The following ATP9A variants were observed in gnomAD, a reference collection of about 807,000 sequenced individuals.
ATP9A encodes probable phospholipid-transporting ATPase IIA.
Under a neutral mutation model 144.1 loss-of-function variants are expected in ATP9A, and 52 were observed. The ratio of observed to expected loss-of-function variants is 0.36; its 90% CI spans 0.29 to 0.45. The LOEUF is 0.45. ATP9A is among the 20% of genes least tolerant of loss of function. ATP9A has a pLI of 1.00. For missense variants in ATP9A, 947 were observed against 1,392.7 expected (o/e 0.68, Z 5.09); for synonymous variants, 582 against 557.4 (o/e 1.04, Z -0.62).
chr20:51,687,067 AGAG>A (rs2077526359), intron 9 of ATP9A, among the ~76,000 whole-genome samples: 1 of 152,170 alleles, frequency 6.6e-6, no homozygotes, highest in Admixed American at 6.5e-5. Flanking sequence ...AAGAATAAAA[AGAG>A]TAATTAATTA....
chr20:51,625,099 C>T, intron 18 of ATP9A, 93 bp downstream of exon 18: 1 of 1,305,932 alleles, frequency 7.7e-7, no homozygotes. Context: ...CTCTGCTGCT[C>T]CTCCCACCCT....
At chr20:51,735,995 C>A (rs942412663) in intron 1 of ATP9A, among the ~76,000 whole-genome samples, 1 of 152,170 alleles carries the variant, frequency 6.6e-6, no homozygotes, top group African/African-American at 2.4e-5. Flanking sequence ...GAAAATAAGG[C>A]CAGGGGCCAG....
At chr20:51,639,656 A>C (rs1403676285) in intron 14 of ATP9A, 152 bp from the exon 15 acceptor site, 2 of 776,182 alleles carry the variant, frequency 2.6e-6, no homozygotes, top group East Asian at 5.6e-5. Context: ...GTGCTGGCCC[A>C]TGACAGTGTC....
chr20:51,709,739 T>C (rs2426384), intron 4 of ATP9A, among the ~76,000 whole-genome samples: 97,830 of 151,994 alleles, frequency 0.64, 31,697 homozygotes, highest in Non-Finnish European at 0.68. Flanking sequence ...AATAAATAAA[T>C]AACTGTGGTG....
chr20:51,623,140 G>A (rs553794583), intron 18 of ATP9A, among the ~76,000 whole-genome samples: 3 of 152,296 alleles, frequency 2.0e-5, no homozygotes, highest in South Asian at 2.1e-4. Context: ...TGAGCCTCCC[G>A]GGCCCTCTCC....
intron 1 of ATP9A, among the ~76,000 whole-genome samples, chr20:51,744,977 A>T (rs976949368): frequency 6.6e-6 from 1 of 152,062 alleles, no homozygotes; most frequent in Non-Finnish European, 1.5e-5. Context: ...TAAAAATATA[A>T]AAATTAGCTG....
intron 14 of ATP9A, among the ~76,000 whole-genome samples, chr20:51,639,898 CAAT>C (rs2077311441): frequency 1.3e-5 from 2 of 152,036 alleles, no homozygotes; most frequent in Admixed American, 6.6e-5. Flanking sequence ...CCAGCCTGGC[CAAT>C]ATGGTGAAAC....
At chr20:51,709,312 C>G (rs2077627595) in intron 4 of ATP9A, among the ~76,000 whole-genome samples, 1 of 152,084 alleles carries the variant, frequency 6.6e-6, no homozygotes, top group African/African-American at 2.4e-5. Flanking sequence ...GTCAGGAGTT[C>G]AAGACCAGCC....
intron 19 of ATP9A, 103 bp from the exon 20 acceptor site, chr20:51,619,146 G>T: frequency 1.1e-6 from 1 of 950,786 alleles, no homozygotes; most frequent in Non-Finnish European, 1.6e-6. Flanking sequence ...GGCCACCCCA[G>T]CCAAGGGTCC....
Position 51,639,475 on chromosome 20 carries a change from C to T in ATP9A, c.1536G>A (p.Val512=), listed in dbSNP as rs1419460108. 3 of 1,612,788 alleles carry T rather than the reference C, an allele frequency of 1.9e-6. No individual in the cohort carries two copies. The highest frequency in any genetic ancestry group is 4.5e-5 in the East Asian group (2 of 44,834). The change falls in exon 15 of 28, where the codon GTG becomes GTA. Residue 512 remains valine, a synonymous_variant. Transcript: ENST00000338821. ...EVALVQWTES[V]GLTLVGRDQS... ...GGTCTCGGCCCACCAGGGTTAAGCC[C>T]ACACTTTCCGTCCACTGTACCAGGG... is the stretch of plus-strand genomic sequence containing the variant.
chr20:51,679,793 T>C (rs2077492407), intron 9 of ATP9A, among the ~76,000 whole-genome samples: 2 of 152,196 alleles, frequency 1.3e-5, no homozygotes, highest in South Asian at 2.1e-4. Flanking sequence ...GACCCCTTTG[T>C]TCCTCATCCA....
chr20:51,750,442 C>T (rs2077826460), intron 1 of ATP9A, among the ~76,000 whole-genome samples: 1 of 152,130 alleles, frequency 6.6e-6, no homozygotes, highest in Admixed American at 6.6e-5. Flanking sequence ...CAGACCTAGG[C>T]CACAGAGCCT....
At chr20:51,762,051 G>A (rs954924449) in intron 1 of ATP9A, among the ~76,000 whole-genome samples, 4 of 151,924 alleles carry the variant, frequency 2.6e-5, no homozygotes, top group Non-Finnish European at 5.9e-5. Flanking sequence ...CCTGTCTTTC[G>A]CTTTTAAGGA....
At chr20:51,727,067 G>A (rs1455850343) in intron 2 of ATP9A, among the ~76,000 whole-genome samples, 1 of 151,472 alleles carries the variant, frequency 6.6e-6, no homozygotes, top group Non-Finnish European at 1.5e-5. Context: ...GCTGAGGCAG[G>A]CGGATCACGA....
At chr20:51,691,632 C>T (rs2077548939) in intron 7 of ATP9A, among the ~76,000 whole-genome samples, 1 of 152,202 alleles carries the variant, frequency 6.6e-6, no homozygotes, top group Admixed American at 6.5e-5. Flanking sequence ...AATGTGGAGG[C>T]CCTGTGCACT....
At chr20:51,733,246 G>A (rs760929081) in intron 1 of ATP9A, among the ~76,000 whole-genome samples, 6 of 152,232 alleles carry the variant, frequency 3.9e-5, no homozygotes, top group Non-Finnish European at 5.9e-5. Flanking sequence ...GTCCCTTCCC[G>A]CTACTATAAC....
At chr20:51,626,380 T>C (rs1241994522) in intron 17 of ATP9A, among the ~76,000 whole-genome samples, 1 of 151,552 alleles carries the variant, frequency 6.6e-6, no homozygotes, top group African/African-American at 2.4e-5. Context: ...TCCCAGCTAC[T>C]TGGGGGCTTG....
At chr20:51,635,802 G>GAGGAAGGAAGGAAGGA (rs1555830936) in intron 15 of ATP9A, among the ~76,000 whole-genome samples, 947 of 46,680 alleles carry the variant, frequency 0.02, 48 homozygotes, top group African/African-American at 0.063. Flanking sequence ...AGGAGGGGAG[G>GAGGAAGGAAGGAAGGA]AGGAAGGAAG....
At chr20:51,655,699 A>G (rs1276263815) in intron 14 of ATP9A, among the ~76,000 whole-genome samples, 1 of 151,892 alleles carries the variant, frequency 6.6e-6, no homozygotes, top group Non-Finnish European at 1.5e-5. Flanking sequence ...AAAATAGCGC[A>G]GCCACTTTTG....
Sources: allele counts gnomAD v4.1 joint callset (sites outside exome capture counted in the v4.1 genomes callset), GRCh38; gene constraint gnomAD v4.1.1; transcripts MANE v1.5; gene names NCBI Gene and HGNC (gene_info 2026-07-23, HGNC 2026-07-21).